RYR2: variants seen among roughly 807,000 people sequenced by gnomAD.
RYR2 encodes the protein cardiac muscle ryanodine receptor-calcium release channel.
In RYR2, 227 loss-of-function variants were observed where a neutral mutation model predicts 601.1. The ratio of observed to expected loss-of-function variants is 0.38; its 90% confidence interval spans 0.34 to 0.42. The LOEUF is 0.42. Among genes scored for constraint, RYR2 ranks in the 10% least tolerant of loss-of-function variants. The probability of loss-of-function intolerance (pLI) is 1.00; values close to 1 mark genes in which losing one functional copy is unlikely to be tolerated. For missense variants in RYR2, 4,646 were observed against 6,156.5 expected (o/e 0.75, Z 8.21); for synonymous variants, 2,223 against 2,175.1 (o/e 1.02, Z -0.61).
At chr1:237,430,991 C>T (rs1160876472) in intron 12 of RYR2, among the ~76,000 whole-genome samples, 1 of 152,182 alleles carries the variant, frequency 6.6e-6, no homozygotes, top group Non-Finnish European at 1.5e-5. Flanking sequence ...GGCCGAAGAG[C>T]CCAACTCAAC....
intron 1 of RYR2, among the ~76,000 whole-genome samples, chr1:237,134,253 C>G (rs1261102098): frequency 6.6e-6 from 1 of 152,074 alleles, no homozygotes; most frequent in Non-Finnish European, 1.5e-5. Flanking sequence ...TTAGAAAGAA[C>G]AACCACTGAT....
intron 63 of RYR2, among the ~76,000 whole-genome samples, chr1:237,695,412 T>C (rs143822144): frequency 6.6e-6 from 1 of 152,120 alleles, no homozygotes; most frequent in South Asian, 2.1e-4. Flanking sequence ...TGATGAGAGG[T>C]GTGTATCTGA....
chr1:237,637,753 G>A (rs1420409543), intron 44 of RYR2, among the ~76,000 whole-genome samples: 2 of 152,160 alleles, frequency 1.3e-5, no homozygotes, highest in Non-Finnish European at 2.9e-5. Context: ...AGACATGTTT[G>A]CAATTTATGA....
Position 237,496,668 on chromosome 1 carries a change from C to A in RYR2, c.2119C>A (p.Pro707Thr). The A allele has an allele frequency of 6.2e-7, 1 of 1,613,918 alleles. No homozygotes were observed. Among genetic ancestry groups the A allele is most frequent in the Non-Finnish European group, 8.5e-7 (1 of 1,179,870 alleles). ...TTCCACTGAAGGATATTCTCCCTAC[C>A]CTGGAGGGGGCGAAGAGTGGGGTGG... ...WASTEGYSPY[P>T]GGGEEWGGNG... Residue 707 changes from proline (P) to threonine (T), a missense_variant, in exon 20 of 105, where the codon CCT (proline) becomes ACT (threonine). Pro to Thr is a conservative substitution (Grantham distance 38). Transcript: ENST00000366574.
rs1690267868 is a variant in RYR2 at position 237,727,153 on chromosome 1, G to A, written c.10792G>A (p.Ala3598Thr). The A allele has an allele frequency of 1.2e-6, 2 of 1,602,300 alleles. No individual in the cohort carries two copies. The highest frequency in any genetic ancestry group is 1.7e-6 in the Non-Finnish European group (2 of 1,172,316). ...HKLLSKQRKR[A>T]VVACFRMAPL... is the part of the protein sequence containing the mutation. ...ACTACTGTCCAAGCAGAGGAAAAGG[G>A]CTGTTGTAGCCTGCTTCCGGATGGC... is the stretch of plus-strand genomic sequence containing the variant. The change falls in exon 76 of 105, where the codon GCT becomes ACT. Residue 3598 changes from alanine (A) to threonine (T), a missense_variant. Physicochemically the swap from Ala to Thr is moderately conservative, Grantham distance 58 (BLOSUM62 0). Coordinates refer to ENST00000366574, the MANE Select transcript of RYR2 (RefSeq NM_001035.3).
chr1:237,507,078 A>G (rs1665343713), intron 23 of RYR2, among the ~76,000 whole-genome samples: 1 of 152,232 alleles, frequency 6.6e-6, no homozygotes, highest in South Asian at 2.1e-4. Context: ...TGAAAGTTAT[A>G]TTTTCAAATC....
chr1:237,128,191 T>A (rs943455555), intron 1 of RYR2, among the ~76,000 whole-genome samples: 1 of 152,122 alleles, frequency 6.6e-6, no homozygotes, highest in Non-Finnish European at 1.5e-5. Context: ...GAGACCGGCC[T>A]GGCCAACACA....
chr1:237,229,403 G>T (rs1413396089), intron 1 of RYR2, among the ~76,000 whole-genome samples: 1 of 152,202 alleles, frequency 6.6e-6, no homozygotes, highest in Non-Finnish European at 1.5e-5. Flanking sequence ...AAGGACGTCG[G>T]TTAAAGGTCT....
chr1:237,436,440 A>AAT (rs1192686543), intron 12 of RYR2, among the ~76,000 whole-genome samples: 3 of 72,798 alleles, frequency 4.1e-5, no homozygotes, highest in Non-Finnish European at 8.0e-5. Flanking sequence ...GCCGAGGGAT[A>AAT]ATGTGTGATT....
intron 36 of RYR2, among the ~76,000 whole-genome samples, chr1:237,613,340 A>T (rs976697902): frequency 1.3e-5 from 2 of 152,216 alleles, no homozygotes; most frequent in Admixed American, 1.3e-4. Context: ...TGTCTATATT[A>T]TTCACCATTG....
rs569328690 is a variant in RYR2 at position 237,576,468 on chromosome 1, T to A, written c.3598+7149T>A. On this transcript the variant is annotated intron_variant, in intron 29 of 104. Transcript: ENST00000366574. Reference sequence around the variant, plus strand: ...AGAACTGATATAGAAACAGATGCCATAGAACATGATGAGGTAGTGTGTCAG... The same window carrying A: ...AGAACTGATATAGAAACAGATGCCAAAGAACATGATGAGGTAGTGTGTCAG... 1.4e-4 allele frequency among the ~76,000 whole-genome samples: 21 copies of A among 152,178 alleles called. No homozygotes were observed. The South Asian group carries it at 4.4e-3, about 32-fold the overall frequency.
intron 62 of RYR2, among the ~76,000 whole-genome samples, chr1:237,685,272 T>C (rs369327444): frequency 6.6e-6 from 1 of 152,160 alleles, no homozygotes; most frequent in African/African-American, 2.4e-5. Context: ...GCCCTAAAAG[T>C]GGATTGCACA....
intron 87 of RYR2, among the ~76,000 whole-genome samples, chr1:237,775,816 G>A (rs11584594): frequency 0.25 from 37,345 of 152,084 alleles, 5,504 homozygotes; most frequent in Non-Finnish European, 0.32. Flanking sequence ...AGGTACATAC[G>A]TCATGAGAAA....
At chr1:237,133,691 G>A (rs553349435) in intron 1 of RYR2, among the ~76,000 whole-genome samples, 10 of 152,114 alleles carry the variant, frequency 6.6e-5, no homozygotes, top group East Asian at 1.9e-4. Flanking sequence ...GCTCACACCC[G>A]CTGACGCGGG....
chr1:237,309,932 G>C (rs985006784), intron 2 of RYR2, among the ~76,000 whole-genome samples: 5 of 152,154 alleles, frequency 3.3e-5, no homozygotes, highest in Non-Finnish European at 7.4e-5. Flanking sequence ...TGCGGGACCC[G>C]CCGAGCCCAC....
At chr1:237,383,583 C>T (rs934048419) in intron 8 of RYR2, among the ~76,000 whole-genome samples, 9 of 151,568 alleles carry the variant, frequency 5.9e-5, no homozygotes, top group South Asian at 2.1e-4. Context: ...GTGCCTGCCA[C>T]CACACCCGGA....
chr1:237,538,784 A>T (rs75298497), intron 25 of RYR2, among the ~76,000 whole-genome samples: 6 of 14,752 alleles, frequency 4.1e-4, no homozygotes, highest in African/African-American at 6.3e-4. Flanking sequence ...AAAAAAAATT[A>T]AAAAAAAATA....
intron 7 of RYR2, 78 bp downstream of exon 7, chr1:237,374,873 G>A (rs886608045): frequency 7.7e-6 from 8 of 1,039,906 alleles, no homozygotes; most frequent in African/African-American, 3.2e-5. Flanking sequence ...CGGGAAATAC[G>A]ATACATGGGA....
chr1:237,301,415 C>T (rs1053797475), intron 2 of RYR2, among the ~76,000 whole-genome samples: 3 of 152,132 alleles, frequency 2.0e-5, no homozygotes, highest in Non-Finnish European at 4.4e-5. Context: ...ACTTCATTTA[C>T]TATGGATTCA....
Sources: allele counts gnomAD v4.1 joint callset (sites outside exome capture counted in the v4.1 genomes callset), GRCh38; gene constraint gnomAD v4.1.1; transcripts MANE v1.5; gene names NCBI Gene and HGNC (gene_info 2026-07-23, HGNC 2026-07-21).